The following SF3A2 variants were observed in gnomAD, a reference collection of about 807,000 sequenced individuals.
SF3A2 encodes SAP 62.
SF3A2 carries 5 observed loss-of-function variants against 31.1 expected under a neutral mutation model. The observed-to-expected ratio is 0.16, with a 90% CI of 0.08 to 0.34. The LOEUF (loss-of-function observed/expected upper bound fraction) is 0.34. SF3A2 is among the 10% of genes least tolerant of loss of function. SF3A2 has a pLI of 1.00. For synonymous variants in SF3A2, 365 were observed against 263.7 expected (o/e 1.38, Z -3.72); for missense variants, 577 against 643.9 (o/e 0.90, Z 1.13).
chr19:2,248,627 G>GC lies in SF3A2; in HGVS notation c.*87dup, dbSNP rs146914547. 9.3e-3 allele frequency: 3,887 copies of GC among 417,402 alleles called. 140 individuals are homozygous for GC. Among genetic ancestry groups the GC allele is most frequent in the African/African-American group, 0.074 (3,541 of 48,034 alleles). The allele number at this position is 417,402 out of a possible 1,614,324, so 25.9% of individuals were successfully genotyped here. A position where few individuals can be genotyped will look rare whatever the true frequency, so the allele number is the denominator to read the frequency against. On this transcript the variant is annotated 3_prime_UTR_variant, in exon 9 of 9. Transcript: ENST00000221494. Reference sequence around the variant, plus strand: ...TGAGAGAAGGCTGCTCTTTTGTACTGCCCCCCGCTCATTAAACAGCCTCCC... The same window carrying GC: ...TGAGAGAAGGCTGCTCTTTTGTACTGCCCCCCCGCTCATTAAACAGCCTCCC...
At chr19:2,239,064 T>C (rs1221809845) in intron 1 of SF3A2, among the ~76,000 whole-genome samples, 1 of 152,290 alleles carries the variant, frequency 6.6e-6, no homozygotes, top group Admixed American at 6.5e-5. Flanking sequence ...AAAATCTAGA[T>C]TGAAAATCTG....
rs2024960058 is a variant in SF3A2, at chr19:2,248,124, C to G, written c.973C>G (p.Pro325Ala). Reference sequence around the variant, plus strand: ...TCCCCCAGCCCCTGGGGTCCACCCACCAACCTCTGGGGTCCACCCCCCAGC... The same window carrying G: ...TCCCCCAGCCCCTGGGGTCCACCCAGCAACCTCTGGGGTCCACCCCCCAGC... ...VHPPAPGVHP[P>A]TSGVHPPAPG... The change falls in exon 9 of 9, where the codon CCA (proline) becomes GCA (alanine). Residue 325 changes from proline (P) to alanine (A), a missense_variant. Transcript: ENST00000221494. 2.2e-6 allele frequency: 3 copies of G among 1,365,914 alleles called. No individual in the cohort carries two copies. The highest frequency in any genetic ancestry group is 3.0e-6 in the Non-Finnish European group (3 of 986,196). 84.6% of individuals were successfully genotyped at this position (1,365,914 alleles called of 1,614,324 possible).
chr19:2,247,754 TC>T lies in SF3A2; in HGVS notation c.616-11del, dbSNP rs764337070. The T allele has an allele frequency of 6.8e-6, 11 of 1,611,860 alleles. No homozygotes were observed. Among genetic ancestry groups the T allele is most frequent in the Non-Finnish European group, 9.3e-6 (11 of 1,179,326 alleles). On this transcript the variant is annotated splice_polypyrimidine_tract_variant and intron_variant, in intron 8 of 8. Coordinates refer to ENST00000221494, the MANE Select transcript of SF3A2 (RefSeq NM_007165.5). Reference sequence around the variant, plus strand: ...CCCACCCGTGCCTGCTGAACCTTTCTCCGTCTCTCTAGTTCTTCCTCCAGTT... The same window carrying T: ...CCCACCCGTGCCTGCTGAACCTTTCTCGTCTCTCTAGTTCTTCCTCCAGTT...
intron 3 of SF3A2, 36 bp downstream of exon 3, chr19:2,244,651 G>A (rs773980395): frequency 1.4e-5 from 23 of 1,611,350 alleles, no homozygotes; most frequent in East Asian, 8.9e-5. Context: ...GGCTCGCGGC[G>A]GGCTGAGTGG....
At position 2,246,262 on chromosome 19, in the gene SF3A2, C is replaced by A. The variant is rs1020603788; in HGVS notation, c.356-491C>A. ...AGGCGGCAGAGGGCTTGTGAGTGTG[C>A]GTGTCTGAGGCCGCATGGAGAGTGG... is the stretch of plus-strand genomic sequence containing the variant. On this transcript the variant is annotated intron_variant, in intron 5 of 8. Coordinates refer to ENST00000221494, the MANE Select transcript of SF3A2 (RefSeq NM_007165.5). This position sits in a 1 kb window ranked among gnomAD's most constrained non-coding sequence, Gnocchi z 5.5. Among the ~76,000 whole-genome samples, 2 of 151,948 alleles carry A rather than the reference C, an allele frequency of 1.3e-5. No homozygotes were observed. Among genetic ancestry groups the A allele is most frequent in the Admixed American group, 6.5e-5 (1 of 15,272 alleles).
Position 2,245,693 on chromosome 19 carries a change from C to T in SF3A2, c.355+138C>T. 1.5e-6 allele frequency: 1 copy of T among 677,742 alleles called. No individual in the cohort carries two copies. Among genetic ancestry groups the T allele is most frequent in the Admixed American group, 2.2e-5 (1 of 45,720 alleles). The allele number at this position is 677,742 out of a possible 1,614,324, so 42.0% of individuals were successfully genotyped here. On this transcript the variant is annotated intron_variant, in intron 5 of 8. Coordinates refer to ENST00000221494, the MANE Select transcript of SF3A2 (RefSeq NM_007165.5). This position sits in a 1 kb window ranked among gnomAD's most constrained non-coding sequence, Gnocchi z 4.2. ...TTCCGGCCTTGGTGGCCGTCCCTCA[C>T]CCACCTGCAGCCTCTGGCGTTGTGT...
In SF3A2 at chr19:2,244,538, C is replaced by G; in HGVS notation, c.127-6C>G. 6.2e-7 allele frequency: 1 copy of G among 1,612,784 alleles called. No homozygotes were observed. Among genetic ancestry groups the G allele is most frequent in the Non-Finnish European group, 8.5e-7 (1 of 1,179,150 alleles). Reference sequence around the variant, plus strand: ...TGTCTAACGGGCCCCTGTTCTTCCCCTCCAGGACCCGTACTTCATGAAGAA... The same window carrying G: ...TGTCTAACGGGCCCCTGTTCTTCCCGTCCAGGACCCGTACTTCATGAAGAA... On this transcript the variant is annotated splice_polypyrimidine_tract_variant and splice_region_variant and intron_variant, in intron 2 of 8. Coordinates refer to ENST00000221494, the MANE Select transcript of SF3A2 (RefSeq NM_007165.5).
rs1259326074 is a variant in SF3A2, at chr19:2,245,405, T to C, written c.246-41T>C. 2 of 1,448,946 alleles carry C rather than the reference T, an allele frequency of 1.4e-6. No individual in the cohort carries two copies. Among genetic ancestry groups the C allele is most frequent in the African/African-American group, 2.8e-5 (2 of 71,002 alleles). The allele number at this position is 1,448,946 out of a possible 1,614,324, so 89.8% of individuals were successfully genotyped here. ...CCTGGGCCCATGGCTTTGGTGCCTG[T>C]GTGTGGAGGGGTCCCAGCAGCACCT... On this transcript the variant is annotated intron_variant, in intron 4 of 8. Transcript: ENST00000221494. The surrounding 1 kb of genome is among the most constrained non-coding windows in gnomAD (Gnocchi z 4.2).
At position 2,245,562 on chromosome 19, in the gene SF3A2, C is replaced by T. The variant is rs1470825523; in HGVS notation, c.355+7C>T. On this transcript the variant is annotated splice_region_variant and intron_variant, in intron 5 of 8. Transcript: ENST00000221494. The surrounding 1 kb of genome is among the most constrained non-coding windows in gnomAD (Gnocchi z 4.2). ...GGCCGCCCGGGCTACAAAGGTGAGTCTGCCCGCAGCGGGGCCGGCCACAGC... is the reference window on the plus strand; with the variant it reads ...GGCCGCCCGGGCTACAAAGGTGAGTTTGCCCGCAGCGGGGCCGGCCACAGC... 1 of 1,542,512 alleles carries T rather than the reference C, an allele frequency of 6.5e-7. No individual in the cohort carries two copies. The highest frequency in any genetic ancestry group is 1.4e-5 in the African/African-American group (1 of 72,906).
At chr19:2,244,238 G>T (rs2024913707) in intron 2 of SF3A2, among the ~76,000 whole-genome samples, 1 of 150,088 alleles carries the variant, frequency 6.7e-6, no homozygotes. Context: ...GTGACCGGCG[G>T]TGCTGTCCTG....
chr19:2,248,142 C>A lies in SF3A2; in HGVS notation c.991C>A (p.Pro331Thr). The A allele has an allele frequency of 2.8e-6, 4 of 1,418,730 alleles. No individual in the cohort carries two copies. Among genetic ancestry groups the A allele is most frequent in the African/African-American group, 1.4e-5 (1 of 69,766 alleles). The allele number at this position is 1,418,730 out of a possible 1,614,324, so 87.9% of individuals were successfully genotyped here. A position where few individuals can be genotyped will look rare whatever the true frequency, so the allele number is the denominator to read the frequency against. ...CCACCCACCAACCTCTGGGGTCCACCCCCCAGCTCCTGGAGTCCACCCTCC... is the reference window on the plus strand; with the variant it reads ...CCACCCACCAACCTCTGGGGTCCACACCCCAGCTCCTGGAGTCCACCCTCC... ...GVHPPTSGVH[P>T]PAPGVHPPAP... The change falls in exon 9 of 9, where the codon CCC (proline) becomes ACC (threonine). Residue 331 changes from proline (P) to threonine (T), a missense_variant. By Grantham distance (38) the Pro-to-Thr change is conservative. Around this residue, in one of 6 missense-constraint regions of SF3A2, gnomAD observed 462 missense variants for 339.1 expected, o/e 1.36. Coordinates refer to ENST00000221494, the MANE Select transcript of SF3A2 (RefSeq NM_007165.5).
At position 2,247,470 on chromosome 19, in the gene SF3A2, C is replaced by T. The variant is rs944321298; in HGVS notation, c.547-124C>T. 4 of 925,120 alleles carry T rather than the reference C, an allele frequency of 4.3e-6. No homozygotes were observed. In the African/African-American group the frequency reaches 6.6e-5, roughly 15 times the overall value. The allele number at this position is 925,120 out of a possible 1,614,324, so 57.3% of individuals were successfully genotyped here. ...ACCCTGTGCCCCACGAAAGTCTTAC[C>T]AGCCTTCTCCTGGGCTCCCAGGGTA... On this transcript the variant is annotated intron_variant, in intron 7 of 8. Coordinates refer to ENST00000221494, the MANE Select transcript of SF3A2 (RefSeq NM_007165.5).
At position 2,248,457 on chromosome 19, in the gene SF3A2, C is replaced by A; in HGVS notation, c.1306C>A (p.His436Asn). ...AGTTCACCCCTCAAATCCTGGGGTGCACCCCCCAACTCCCATGCCCCCAAT... is the reference window on the plus strand; with the variant it reads ...AGTTCACCCCTCAAATCCTGGGGTGAACCCCCCAACTCCCATGCCCCCAAT... Reference protein sequence around the residue: ...PGVHPSNPGVHPPTPMPPMLR... With the variant: ...PGVHPSNPGVNPPTPMPPMLR... Residue 436 changes from histidine to asparagine, a missense_variant, in exon 9 of 9, where the codon CAC (histidine) becomes AAC (asparagine). By Grantham distance (68) the His-to-Asn change is moderately conservative (BLOSUM62 1). Transcript: ENST00000221494. The A allele has an allele frequency of 7.8e-7, 1 of 1,284,960 alleles. No homozygotes were observed. Among genetic ancestry groups the A allele is most frequent in the Non-Finnish European group, 1.0e-6 (1 of 992,496 alleles). The allele number at this position is 1,284,960 out of a possible 1,614,324, so 79.6% of individuals were successfully genotyped here.
In SF3A2 at chr19:2,245,575, G is replaced by GGCC; in HGVS notation, c.355+22_355+24dup. The GGCC allele has an allele frequency of 6.6e-7, 1 of 1,511,668 alleles. No homozygotes were observed. Among genetic ancestry groups the GGCC allele is most frequent in the Non-Finnish European group, 9.0e-7 (1 of 1,111,444 alleles). 93.6% of individuals were successfully genotyped at this position (1,511,668 alleles called of 1,614,324 possible). A position where few individuals can be genotyped will look rare whatever the true frequency, so the allele number is the denominator to read the frequency against. ...ACAAAGGTGAGTCTGCCCGCAGCGG[G>GGCC]GCCGGCCACAGCCGCTGCCGTGACA... On this transcript the variant is annotated intron_variant, in intron 5 of 8. Transcript: ENST00000221494. The surrounding 1 kb of genome is among the most constrained non-coding windows in gnomAD (Gnocchi z 4.2).
rs1421153302 is a variant in SF3A2 at position 2,239,518 on chromosome 19, G to C, written c.-38+2617G>C. On this transcript the variant is annotated intron_variant, in intron 1 of 8. Coordinates refer to ENST00000221494, the MANE Select transcript of SF3A2 (RefSeq NM_007165.5). ...CTAGTAGAAGCTTAACATCTTCCTT[G>C]GTGTCGTAAAATTTCCTGATTTCCT... Among the ~76,000 whole-genome samples the C allele has an allele frequency of 2.0e-5, 3 of 152,168 alleles. No individual in the cohort carries two copies. In the East Asian group the frequency reaches 5.8e-4, roughly 29 times the overall value.
Position 2,243,655 on chromosome 19 carries a change from G to C in SF3A2, c.126+111G>C, listed in dbSNP as rs576216490. The C allele has an allele frequency of 3.8e-5, 49 of 1,278,916 alleles. 1 individual carries two copies. In the African/African-American group the frequency reaches 4.5e-4, roughly 12 times the overall value. The allele number at this position is 1,278,916 out of a possible 1,614,324, so 79.2% of individuals were successfully genotyped here. Reference sequence around the variant, plus strand: ...GCCTCCGCCCAGGCTGGGCGATGCAGCCCCGTGTCCAGACGCTCCCCTGTT... The same window carrying C: ...GCCTCCGCCCAGGCTGGGCGATGCACCCCCGTGTCCAGACGCTCCCCTGTT... On this transcript the variant is annotated intron_variant, in intron 2 of 8. Coordinates refer to ENST00000221494, the MANE Select transcript of SF3A2 (RefSeq NM_007165.5).
chr19:2,241,847 A>G (rs1212977249), intron 1 of SF3A2, among the ~76,000 whole-genome samples: 1 of 152,184 alleles, frequency 6.6e-6, no homozygotes, highest in Non-Finnish European at 1.5e-5. Flanking sequence ...ACGTGACAAC[A>G]TGTAAAAATG....
intron 1 of SF3A2, among the ~76,000 whole-genome samples, chr19:2,238,197 T>G (rs2024854166): frequency 6.6e-6 from 1 of 152,172 alleles, no homozygotes; most frequent in Non-Finnish European, 1.5e-5. Context: ...CGAATTTTTG[T>G]ATTTTTTGTA....
Position 2,248,041 on chromosome 19 carries a change from C to CA in SF3A2, c.890_891insA (p.Ala298CysfsTer?). 1 of 973,524 alleles carries CA rather than the reference C, an allele frequency of 1.0e-6. No homozygotes were observed. Among genetic ancestry groups the CA allele is most frequent in the Non-Finnish European group, 1.6e-6 (1 of 634,310 alleles). The allele number at this position is 973,524 out of a possible 1,614,324, so 60.3% of individuals were successfully genotyped here. ...CCCCCGGCCCCAGTGGTGCATCCCC[C>CA]TGCATCTGGGGTCCATCCCCCAGCT... On this transcript the variant is annotated frameshift_variant, in exon 9 of 9. Transcript: ENST00000221494. LOFTEE classifies it low-confidence loss of function (END_TRUNC).
Sources: allele counts gnomAD v4.1 joint callset (sites outside exome capture counted in the v4.1 genomes callset), GRCh38; gene constraint gnomAD v4.1.1; regional missense constraint gnomAD v4.1.1; non-coding constraint Gnocchi (gnomAD v3.1); transcripts MANE v1.5; gene names NCBI Gene and HGNC (gene_info 2026-07-23, HGNC 2026-07-21).